Variants in FGF14 observed in about 807,000 individuals in gnomAD.
The protein encoded by FGF14 is fibroblast growth factor homologous factor 4.
A neutral mutation model predicts 25.5 loss-of-function variants in FGF14; 5 were observed. The ratio of observed to expected loss-of-function variants is 0.20; its 90% CI spans 0.10 to 0.41. FGF14 has a LOEUF of 0.41. FGF14 is among the 10% of genes least tolerant of loss of function. FGF14 has a pLI of 1.00. For missense variants in FGF14, 222 were observed against 320.1 expected, an observed-to-expected ratio of 0.69 and a Z score of 2.34; for synonymous variants, 138 against 118.3, an observed-to-expected ratio of 1.17 and a Z score of -1.08.
At chr13:102,044,506 G>C (rs1266350338) in intron 1 of FGF14, among the ~76,000 whole-genome samples, 2 of 151,926 alleles carry the variant, frequency 1.3e-5, no homozygotes, top group Non-Finnish European at 2.9e-5. Flanking sequence ...GATCTGTTGA[G>C]AAAGGAATAA....
At chr13:102,198,957 A>T (rs1455464411) in intron 1 of FGF14, among the ~76,000 whole-genome samples, 1 of 152,226 alleles carries the variant, frequency 6.6e-6, no homozygotes, top group Non-Finnish European at 1.5e-5. Context: ...GCCTCAGTGA[A>T]ACCCCCAATA....
intron 1 of FGF14, among the ~76,000 whole-genome samples, chr13:101,964,266 C>A (rs2037048470): frequency 6.6e-6 from 1 of 151,570 alleles, no homozygotes; most frequent in African/African-American, 2.4e-5. Context: ...TTTTTTTTAA[C>A]CTGGGTATTT....
At position 101,867,402 on chromosome 13, in the gene FGF14, G is replaced by A. The variant is rs1029832379; in HGVS notation, c.408+1323C>T. Among the ~76,000 whole-genome samples, 104 of 152,076 alleles carry A rather than the reference G, an allele frequency of 6.8e-4. 1 individual carries two copies. Among genetic ancestry groups the A allele is most frequent in the African/African-American group, 2.4e-3 (101 of 41,414 alleles). ...TTCCCTGTCATCAACATATGTATCA[G>A]AGTACAGCAATGTGATACAATTACT... On this transcript the variant is annotated intron_variant, in intron 3 of 4. Transcript: ENST00000376143.
intron 3 of FGF14, among the ~76,000 whole-genome samples, chr13:101,737,623 A>G (rs1281044355): frequency 3.9e-5 from 6 of 152,082 alleles, no homozygotes; most frequent in Non-Finnish European, 7.4e-5. Context: ...GAAAAAAACC[A>G]AATTTGTGAT....
intron 1 of FGF14, among the ~76,000 whole-genome samples, chr13:102,113,670 C>T (rs768407535): frequency 2.0e-5 from 3 of 152,132 alleles, no homozygotes; most frequent in African/African-American, 4.8e-5. Flanking sequence ...GCCTAATGGA[C>T]GGTGCTGCTG....
intron 3 of FGF14, among the ~76,000 whole-genome samples, chr13:101,792,393 T>C (rs2140096467): frequency 6.6e-6 from 1 of 152,246 alleles, no homozygotes; most frequent in South Asian, 2.1e-4. Flanking sequence ...TGACAACTGA[T>C]GCACAGGATA....
intron 1 of FGF14, among the ~76,000 whole-genome samples, chr13:102,074,437 G>A (rs1366315999): frequency 2.0e-5 from 3 of 152,068 alleles, no homozygotes; most frequent in Admixed American, 2.0e-4. Context: ...ATTGACACCT[G>A]GAAAAATACA....
chr13:102,042,198 C>G (rs866947457), intron 1 of FGF14, among the ~76,000 whole-genome samples: 11 of 152,306 alleles, frequency 7.2e-5, no homozygotes, highest in Middle Eastern at 6.8e-3. Flanking sequence ...ATGAGGCAGT[C>G]TGCATCTGCA....
At chr13:102,209,872 G>A (rs1445125248) in intron 1 of FGF14, among the ~76,000 whole-genome samples, 1 of 151,980 alleles carries the variant, frequency 6.6e-6, no homozygotes, top group African/African-American at 2.4e-5. Context: ...AGAGAGGAAA[G>A]ACAAATATAT....
At chr13:101,764,563 T>G (rs1307170109) in intron 3 of FGF14, among the ~76,000 whole-genome samples, 2 of 152,204 alleles carry the variant, frequency 1.3e-5, no homozygotes, top group Admixed American at 1.3e-4. Context: ...AGTTTGAGCA[T>G]CAGCTTGTTT....
chr13:101,848,901 T>C (rs917840208), intron 3 of FGF14, among the ~76,000 whole-genome samples: 1 of 152,082 alleles, frequency 6.6e-6, no homozygotes, highest in South Asian at 2.1e-4. Context: ...AAAAATCTTC[T>C]GAATGTTAAT....
At chr13:102,113,982 A>G (rs2045349225) in intron 1 of FGF14, among the ~76,000 whole-genome samples, 1 of 152,198 alleles carries the variant, frequency 6.6e-6, no homozygotes, top group African/African-American at 2.4e-5. Context: ...TCAAGGTGAG[A>G]CAGGAACCTA....
intron 3 of FGF14, among the ~76,000 whole-genome samples, chr13:101,867,650 G>C (rs887202646): frequency 6.6e-6 from 1 of 152,158 alleles, no homozygotes; most frequent in South Asian, 2.1e-4. Flanking sequence ...TGATCCTGCT[G>C]GCAACATGCT....
rs2034677512 is a variant in FGF14 at position 101,715,506 on chromosome 13, GT to G, written c.*7324del. On this transcript the variant is annotated 3_prime_UTR_variant, in exon 5 of 5. Coordinates refer to ENST00000376143, the MANE Select transcript of FGF14 (RefSeq NM_004115.4). ...GGACACTTGTGATTTATAATAGCAT[GT>G]TTAAATTTGGCACATTTTGATCATA... The G allele has an allele frequency of 2.5e-6, 3 of 1,181,328 alleles. No individual in the cohort carries two copies. In the Admixed American group the frequency reaches 5.1e-5, roughly 20 times the overall value. 73.2% of individuals were successfully genotyped at this position (1,181,328 alleles called of 1,614,324 possible).
chr13:101,999,422 AAC>A (rs1290040219), intron 1 of FGF14, among the ~76,000 whole-genome samples: 1 of 151,976 alleles, frequency 6.6e-6, no homozygotes, highest in Non-Finnish European at 1.5e-5. Flanking sequence ...TTCTCCTCTT[AAC>A]ACACAGATCT....
chr13:102,083,471 G>A (rs982775496), intron 1 of FGF14, among the ~76,000 whole-genome samples: 34 of 151,900 alleles, frequency 2.2e-4, no homozygotes, highest in African/African-American at 8.0e-4. Context: ...TTTCCAACCT[G>A]ACTCTGGTAT....
intron 3 of FGF14, among the ~76,000 whole-genome samples, chr13:101,821,681 T>A (rs1207297352): frequency 1.3e-5 from 2 of 152,202 alleles, no homozygotes; most frequent in Non-Finnish European, 2.9e-5. Context: ...TTCTTTCTGT[T>A]CTACAACACT....
chr13:102,325,814 A>ATT (rs374642899), intron 1 of FGF14, among the ~76,000 whole-genome samples: 3 of 152,100 alleles, frequency 2.0e-5, no homozygotes, highest in African/African-American at 7.2e-5. Flanking sequence ...AAGGCACAGA[A>ATT]TTTTGCCTTC....
At chr13:101,917,933 A>G (rs1461445523), upstream of FGF14, among the ~76,000 whole-genome samples, 3 of 152,120 alleles carry the variant, frequency 2.0e-5, no homozygotes, top group African/African-American at 7.2e-5. Flanking sequence ...CAGAAATATA[A>G]GGGGCAGAGG....
Sources: allele counts gnomAD v4.1 joint callset (sites outside exome capture counted in the v4.1 genomes callset), GRCh38; gene constraint gnomAD v4.1.1; transcripts MANE v1.5; gene names NCBI Gene and HGNC (gene_info 2026-07-23, HGNC 2026-07-21).